The following SGCZ variants were observed in gnomAD, a reference collection of about 807,000 sequenced individuals.
The protein encoded by SGCZ is sarcoglycan zeta, also known as zeta-sarcoglycan.
A neutral mutation model predicts 41.3 loss-of-function variants in SGCZ; 40 were observed. The observed-to-expected ratio is 0.97, with a 90% CI of 0.75 to 1.26. SGCZ has a LOEUF of 1.26. SGCZ is among the 50% of genes most tolerant of loss of function. The pLI, the probability that SGCZ is intolerant of heterozygous loss-of-function variation, is 0.00. For missense variants in SGCZ, 552 were observed against 369.8 expected (o/e 1.49, Z -4.04); for synonymous variants, 206 against 137.5 (o/e 1.50, Z -3.49).
rs772748230 is a variant in SGCZ at position 15,222,789 on chromosome 8, G to A, written c.39+14796C>T. Among the ~76,000 whole-genome samples the A allele has an allele frequency of 2.1e-4, 32 of 151,758 alleles. 1 individual carries two copies. Among genetic ancestry groups the A allele is most frequent in the Admixed American group, 1.4e-3 (21 of 15,214 alleles). ...TGTGTGTCTGTGTGTGTGTGTATGC[G>A]TGCATGTGTGGGTGTGTGTGTGTGT... is the stretch of plus-strand genomic sequence containing the variant. On this transcript the variant is annotated intron_variant, in intron 1 of 7. Coordinates refer to ENST00000382080, the MANE Select transcript of SGCZ (RefSeq NM_139167.4).
chr8:14,195,707 T>A (rs1344558573), intron 4 of SGCZ, among the ~76,000 whole-genome samples: 1 of 152,088 alleles, frequency 6.6e-6, no homozygotes. Context: ...AGGCAGCTGA[T>A]TAATACTGGA....
rs1799052306 is a variant in SGCZ, at chr8:14,904,101, T to C, written c.39+333484A>G. ...TAGTCTTCCTCATACTAGTCGTGCATTATTATGCATCTTAGGGGTTTTCAT... is the reference window on the plus strand; with the variant it reads ...TAGTCTTCCTCATACTAGTCGTGCACTATTATGCATCTTAGGGGTTTTCAT... On this transcript the variant is annotated intron_variant, in intron 1 of 7. Transcript: ENST00000382080. Among the ~76,000 whole-genome samples, 3 of 152,088 alleles carry C rather than the reference T, an allele frequency of 2.0e-5. 1 individual carries two copies. Among genetic ancestry groups the C allele is most frequent in the African/African-American group, 7.2e-5 (3 of 41,446 alleles).
intron 5 of SGCZ, among the ~76,000 whole-genome samples, chr8:14,159,229 G>A: frequency 6.6e-6 from 1 of 152,194 alleles, no homozygotes; most frequent in East Asian, 1.9e-4. Flanking sequence ...AGAGAAGTGA[G>A]TTGATATAAC....
intron 1 of SGCZ, among the ~76,000 whole-genome samples, chr8:14,963,604 T>C (rs1801038042): frequency 6.6e-6 from 1 of 152,156 alleles, no homozygotes; most frequent in Admixed American, 6.5e-5. Flanking sequence ...CGCCTCAGCC[T>C]CTCAAAGTGC....
chr8:14,143,807 G>A (rs1189050109), intron 5 of SGCZ, among the ~76,000 whole-genome samples: 1 of 152,150 alleles, frequency 6.6e-6, no homozygotes, highest in Non-Finnish European at 1.5e-5. Context: ...TGCAGCAGTA[G>A]TAAGGAGAGG....
intron 1 of SGCZ, among the ~76,000 whole-genome samples, chr8:14,934,607 G>C (rs1800024671): frequency 6.6e-6 from 1 of 151,682 alleles, no homozygotes; most frequent in Admixed American, 6.6e-5. Flanking sequence ...AGACACTTGA[G>C]GATATATTGA....
At chr8:14,474,192 C>T (rs1451540243) in intron 2 of SGCZ, among the ~76,000 whole-genome samples, 2 of 152,102 alleles carry the variant, frequency 1.3e-5, no homozygotes, top group African/African-American at 4.8e-5. Context: ...TTTTTGCACT[C>T]ACAACTGATG....
At chr8:14,247,808 G>A (rs563391109) in intron 3 of SGCZ, among the ~76,000 whole-genome samples, 1 of 152,278 alleles carries the variant, frequency 6.6e-6, no homozygotes, top group Admixed American at 6.5e-5. Flanking sequence ...CAGTCAGTAT[G>A]TTCACTATGG....
chr8:14,533,089 C>T (rs1803185715), intron 2 of SGCZ, among the ~76,000 whole-genome samples: 5 of 151,950 alleles, frequency 3.3e-5, no homozygotes, highest in African/African-American at 1.2e-4. Flanking sequence ...TGGTATGCTG[C>T]ACCCATTAAC....
chr8:14,545,827 T>C (rs536989636), intron 2 of SGCZ, among the ~76,000 whole-genome samples: 89 of 152,196 alleles, frequency 5.8e-4, no homozygotes, highest in Non-Finnish European at 1.1e-3. Context: ...TTAATCCTTC[T>C]TTTTCTCTGG....
At chr8:14,158,685 T>A (rs533573244) in intron 5 of SGCZ, among the ~76,000 whole-genome samples, 2 of 152,282 alleles carry the variant, frequency 1.3e-5, no homozygotes, top group Admixed American at 6.5e-5. Flanking sequence ...GCAGTGCAAA[T>A]ACCAGGCCCT....
intron 2 of SGCZ, among the ~76,000 whole-genome samples, chr8:14,405,039 T>C (rs1217517623): frequency 1.3e-5 from 2 of 152,196 alleles, no homozygotes; most frequent in South Asian, 2.1e-4. Flanking sequence ...CCCTCAGCTG[T>C]CGTCTTCCTC....
chr8:14,754,635 T>A (rs189885008), intron 1 of SGCZ, among the ~76,000 whole-genome samples: 153 of 152,338 alleles, frequency 1.0e-3, no homozygotes, highest in African/African-American at 3.5e-3. Context: ...ATTTCTATAA[T>A]TGCAGAATAA....
At chr8:15,139,910 A>G (rs1808258707) in intron 1 of SGCZ, among the ~76,000 whole-genome samples, 1 of 152,174 alleles carries the variant, frequency 6.6e-6, no homozygotes, top group South Asian at 2.1e-4. Flanking sequence ...CAAAGTCACT[A>G]TTACTTTATA....
chr8:14,151,611 A>G (rs112133894), intron 5 of SGCZ, among the ~76,000 whole-genome samples: 1 of 152,138 alleles, frequency 6.6e-6, no homozygotes, highest in Admixed American at 6.5e-5. Context: ...AGAAACACAT[A>G]TTCTAAAATC....
intron 1 of SGCZ, among the ~76,000 whole-genome samples, chr8:14,925,088 G>T (rs1799706891): frequency 6.6e-6 from 1 of 151,970 alleles, no homozygotes; most frequent in East Asian, 1.9e-4. Flanking sequence ...GAACTCCTGA[G>T]CTTAAGTGAT....
At position 14,550,494 on chromosome 8, in the gene SGCZ, A is replaced by T. The variant is rs575639330; in HGVS notation, c.234+4238T>A. ...TGCTTTTTCTTTTGTAGGATGAAAT[A>T]TTTCATAATAAATAGTTTAAAGTGT... On this transcript the variant is annotated intron_variant, in intron 2 of 7. Transcript: ENST00000382080. 1.5e-4 allele frequency among the ~76,000 whole-genome samples: 23 copies of T among 152,152 alleles called. 1 individual carries two copies. In the South Asian group the frequency reaches 4.8e-3, roughly 32 times the overall value.
At chr8:14,981,021 A>C (rs149576543) in intron 1 of SGCZ, among the ~76,000 whole-genome samples, 1 of 152,246 alleles carries the variant, frequency 6.6e-6, no homozygotes, top group African/African-American at 2.4e-5. Context: ...ATTCACCAAA[A>C]ATCGGACTGC....
chr8:14,346,240 T>C (rs888580689), intron 2 of SGCZ, among the ~76,000 whole-genome samples: 2 of 152,050 alleles, frequency 1.3e-5, no homozygotes, highest in African/African-American at 4.8e-5. Flanking sequence ...ATTCTGCTCA[T>C]TTTCCTGTAA....
Sources: allele counts gnomAD v4.1 joint callset (sites outside exome capture counted in the v4.1 genomes callset), GRCh38; gene constraint gnomAD v4.1.1; transcripts MANE v1.5; gene names NCBI Gene and HGNC (gene_info 2026-07-23, HGNC 2026-07-21).